LPA: variants seen among roughly 807,000 people sequenced by gnomAD.
The protein encoded by LPA is apolipoprotein(a).
Under a neutral mutation model 197.9 loss-of-function variants are expected in LPA, and 199 were observed. The ratio of observed to expected loss-of-function variants is 1.01; its 90% CI spans 0.90 to 1.13. The LOEUF (loss-of-function observed/expected upper bound fraction) is 1.13, where lower values mean the gene tolerates loss of function less well. LPA is among the 50% of genes most tolerant of loss of function. The pLI is 0.00. For synonymous variants in LPA, 715 were observed against 639.5 expected (o/e 1.12, Z -1.78); for missense variants, 1,853 against 1,785.8 (o/e 1.04, Z -0.68).
At chr6:160,600,037 A>C (rs763162757) in intron 19 of LPA, among the ~76,000 whole-genome samples, 2 of 152,220 alleles carry the variant, frequency 1.3e-5, no homozygotes, top group Non-Finnish European at 2.9e-5. Flanking sequence ...CAAGTCTCCA[A>C]GCATTAAAAT....
intron 21 of LPA, among the ~76,000 whole-genome samples, chr6:160,594,871 A>C (rs1483775802): frequency 6.6e-6 from 1 of 152,156 alleles, no homozygotes; most frequent in Non-Finnish European, 1.5e-5. Context: ...ATGTACTGCT[A>C]CCTGGACCCA....
rs1778705910 is a variant in LPA, at chr6:160,577,432, G to A, written c.4472-137C>T. On this transcript the variant is annotated intron_variant, in intron 27 of 38. Transcript: ENST00000316300. ...TTTTCTACTAGTAGCAAAAGGATGT[G>A]AAAAGACCCAGTAGATTCATAGTAT... 5.5e-6 allele frequency: 4 copies of A among 721,096 alleles called. No homozygotes were observed. The South Asian group carries it at 6.9e-5, about 12-fold the overall frequency. The allele number at this position is 721,096 out of a possible 1,614,324, so 44.7% of individuals were successfully genotyped here. A position where few individuals can be genotyped will look rare whatever the true frequency, so the allele number is the denominator to read the frequency against.
At chr6:160,576,816 A>G (rs916561829) in intron 28 of LPA, among the ~76,000 whole-genome samples, 2 of 151,270 alleles carry the variant, frequency 1.3e-5, no homozygotes, top group Non-Finnish European at 2.9e-5. Context: ...TGCACGAGTG[A>G]AAGATGACAT....
rs140720828 is a variant in LPA at position 160,577,245 on chromosome 6, G to T, written c.4522C>A (p.Arg1508=). The T allele has an allele frequency of 1.2e-6, 2 of 1,613,834 alleles. No individual in the cohort carries two copies. The highest frequency in any genetic ancestry group is 1.1e-5 in the South Asian group (1 of 91,068). ...GTGGAGGATATGCCTCGATAACTCC[G>T]TCCATCACCATGGTAGCAATCCTGG... The part of the protein sequence containing the change: ...VVQDCYHGDG[R]SYRGISSTTV... The change falls in exon 28 of 39, where the codon CGG becomes AGG. Residue 1508 remains arginine (R), a synonymous_variant. Coordinates refer to ENST00000316300, the MANE Select transcript of LPA (RefSeq NM_005577.4).
chr6:160,654,036 TATATATAATATATA>T (rs1780074304), intron 1 of LPA, among the ~76,000 whole-genome samples: 5 of 10,768 alleles, frequency 4.6e-4, no homozygotes, highest in African/African-American at 3.0e-3. Flanking sequence ...TAATATATAT[TATATATAATATATA>T]ATATATTATA....
chr6:160,649,946 T>C (rs1218918421), intron 2 of LPA, among the ~76,000 whole-genome samples: 1 of 152,174 alleles, frequency 6.6e-6, no homozygotes, highest in Non-Finnish European at 1.5e-5. Context: ...TATGCACATA[T>C]CATTTACTTG....
At chr6:160,577,604 G>C (rs1778708828) in intron 27 of LPA, among the ~76,000 whole-genome samples, 1 of 152,188 alleles carries the variant, frequency 6.6e-6, no homozygotes, top group African/African-American at 2.4e-5. Flanking sequence ...CAGGGCAGAA[G>C]ACCAGAATGC....
At chr6:160,606,790 T>G in intron 16 of LPA, 132 bp from the exon 17 acceptor site, 1 of 1,383,314 alleles carries the variant, frequency 7.2e-7, no homozygotes, top group Non-Finnish European at 1.0e-6. Context: ...TACCATATGA[T>G]TGCCACAAGC....
At chr6:160,565,942 A>T (rs1778445515) in intron 28 of LPA, among the ~76,000 whole-genome samples, 1 of 152,236 alleles carries the variant, frequency 6.6e-6, no homozygotes, top group East Asian at 1.9e-4. Context: ...ATTAAAGATC[A>T]AATGAATGAA....
At chr6:160,569,353 A>G (rs1302974158) in intron 28 of LPA, among the ~76,000 whole-genome samples, 1 of 151,394 alleles carries the variant, frequency 6.6e-6, no homozygotes, top group Non-Finnish European at 1.5e-5. Context: ...CTGATCTATG[A>G]CAAACCTGAC....
At chr6:160,604,850 C>T (rs1463458655) in intron 18 of LPA, among the ~76,000 whole-genome samples, 196 bp downstream of exon 18, 1 of 152,142 alleles carries the variant, frequency 6.6e-6, no homozygotes, top group Non-Finnish European at 1.5e-5. Flanking sequence ...CTCCATTAAA[C>T]TAGGAGGAAG....
chr6:160,549,009 A>G (rs1301416651), intron 30 of LPA, among the ~76,000 whole-genome samples: 1 of 152,188 alleles, frequency 6.6e-6, no homozygotes, highest in African/African-American at 2.4e-5. Context: ...CTGGAAATTT[A>G]CAGTCATGGC....
At chr6:160,580,162 C>T (rs941968650) in intron 26 of LPA, among the ~76,000 whole-genome samples, 1 of 152,152 alleles carries the variant, frequency 6.6e-6, no homozygotes, top group Non-Finnish European at 1.5e-5. Context: ...GGCTTCTTTC[C>T]TTAATATATT....
chr6:160,591,171 A>G, intron 22 of LPA, 70 bp from the exon 23 acceptor site: 2 of 1,586,842 alleles, frequency 1.3e-6, no homozygotes, highest in South Asian at 1.1e-5. Context: ...CATCCTCTAC[A>G]TTTTGTTGTA....
chr6:160,604,292 C>A (rs1779301761), intron 18 of LPA, among the ~76,000 whole-genome samples: 1 of 152,174 alleles, frequency 6.6e-6, no homozygotes. Flanking sequence ...GGAAGAAAGC[C>A]AAGGTATCTA....
At chr6:160,602,577 G>T (rs1472678459) in intron 18 of LPA, among the ~76,000 whole-genome samples, 1 of 152,144 alleles carries the variant, frequency 6.6e-6, no homozygotes, top group African/African-American at 2.4e-5. Context: ...CATTTGCTGG[G>T]TTCTTCATTA....
intron 17 of LPA, among the ~76,000 whole-genome samples, chr6:160,605,918 T>C (rs1779340071): frequency 6.6e-6 from 1 of 152,128 alleles, no homozygotes; most frequent in Non-Finnish European, 1.5e-5. Context: ...GTCACTCACT[T>C]AAAAACCTAG....
chr6:160,655,215 A>C (rs2144726), intron 1 of LPA, among the ~76,000 whole-genome samples: 1 of 151,946 alleles, frequency 6.6e-6, no homozygotes. Context: ...ACCAAAGCCC[A>C]ATAACAGACC....
intron 26 of LPA, among the ~76,000 whole-genome samples, chr6:160,581,004 C>G (rs1042053048): frequency 4.6e-5 from 7 of 151,492 alleles, no homozygotes; most frequent in African/African-American, 1.4e-4. Flanking sequence ...TTATAAGATA[C>G]TATACTTTTT....
Sources: allele counts gnomAD v4.1 joint callset (sites outside exome capture counted in the v4.1 genomes callset), GRCh38; gene constraint gnomAD v4.1.1; transcripts MANE v1.5; gene names NCBI Gene and HGNC (gene_info 2026-07-23, HGNC 2026-07-21).